The following FER1L5 variants were observed in gnomAD, a reference collection of about 807,000 sequenced individuals.
FER1L5 encodes fer-1-like protein 5.
In FER1L5, 187 loss-of-function variants were observed where a neutral mutation model predicts 279.9. That is an observed-to-expected ratio of 0.67 (90% confidence interval 0.59 to 0.75). The LOEUF is 0.75. Among genes scored for constraint, FER1L5 ranks in the 30% least tolerant of loss-of-function variants. The pLI, the probability that FER1L5 is intolerant of heterozygous loss-of-function variation, is 0.00. For missense variants in FER1L5, 2,091 were observed against 2,594.4 expected, an observed-to-expected ratio of 0.81 and a Z score of 4.21; for synonymous variants, 921 against 989.7, an observed-to-expected ratio of 0.93 and a Z score of 1.30.
chr2:96,670,791 A>C (rs1016147863), intron 18 of FER1L5, among the ~76,000 whole-genome samples: 2 of 150,766 alleles, frequency 1.3e-5, no homozygotes, highest in Non-Finnish European at 2.9e-5. Flanking sequence ...GTCTGAAAAA[A>C]ATAAAAAATA....
At chr2:96,677,595 G>C (rs987852732) in intron 19 of FER1L5, among the ~76,000 whole-genome samples, 3 of 152,032 alleles carry the variant, frequency 2.0e-5, no homozygotes, top group African/African-American at 7.2e-5. Flanking sequence ...CCCGGGCACG[G>C]TGGCTCACTC....
Position 96,642,781 on chromosome 2 carries a change from CA to C in FER1L5, c.-51del. On this transcript the variant is annotated 5_prime_UTR_variant, in exon 1 of 53. Transcript: ENST00000624922. ...GGAAAAGTCTTGGACTGAGGAGCTC[CA>C]AAAAGGAAGCTGTGGCGCTGCGTAG... 6.6e-7 allele frequency: 1 copy of C among 1,526,018 alleles called. No individual in the cohort carries two copies. The highest frequency in any genetic ancestry group is 1.2e-5 in the South Asian group (1 of 81,398). The allele number at this position is 1,526,018 out of a possible 1,614,324, so 94.5% of individuals were successfully genotyped here.
In FER1L5 at chr2:96,699,118, T is replaced by C; in HGVS notation, c.4592T>C (p.Leu1531Pro). 1.2e-6 allele frequency: 2 copies of C among 1,610,004 alleles called. No homozygotes were observed. Among genetic ancestry groups the C allele is most frequent in the Non-Finnish European group, 1.7e-6 (2 of 1,178,232 alleles). Residue 1531 changes from leucine to proline, a missense_variant, in exon 42 of 53, where the codon CTG becomes CCG. Leu to Pro is a moderately conservative substitution (Grantham distance 98, BLOSUM62 -3). Transcript: ENST00000624922. Reference protein sequence around the residue: ...GNRDMYQPNTLDPIFGMMFEL... With the variant: ...GNRDMYQPNTPDPIFGMMFEL... ...CGGGACATGTACCAGCCCAACACTC[T>C]GGATCCCATCTTTGGCATGTGAGCT... is the stretch of plus-strand genomic sequence containing the variant.
chr2:96,646,375 A>G (rs1465549436), intron 1 of FER1L5, 26 bp from the exon 2 acceptor site: 7 of 1,550,926 alleles, frequency 4.5e-6, no homozygotes, highest in African/African-American at 2.7e-5. Flanking sequence ...CCTACCATCA[A>G]TGCCAGCCTC....
chr2:96,702,220 G>T lies in FER1L5; in HGVS notation c.5160-86G>T. The T allele has an allele frequency of 6.4e-7, 1 of 1,570,644 alleles. No homozygotes were observed. Among genetic ancestry groups the T allele is most frequent in the Non-Finnish European group, 8.6e-7 (1 of 1,158,184 alleles). The stretch of plus-strand genomic sequence containing the variant: ...CCCCACACTGAGCAAAAACACACAG[G>T]GCAGCCTCCCAGGCTTCTCTGCCCT... On this transcript the variant is annotated intron_variant, in intron 46 of 52. Coordinates refer to ENST00000624922, the MANE Select transcript of FER1L5 (RefSeq NM_001293083.2). This position sits in a 1 kb window ranked among gnomAD's most constrained non-coding sequence, Gnocchi z 4.0.
At chr2:96,669,222 C>A in intron 17 of FER1L5, 85 bp downstream of exon 17, 2 of 1,330,192 alleles carry the variant, frequency 1.5e-6, no homozygotes, top group Non-Finnish European at 2.0e-6. Flanking sequence ...TGCCCCGAGG[C>A]CCCGGCCCTG....
chr2:96,656,278 T>C lies in FER1L5; in HGVS notation c.747+1782T>C, dbSNP rs576441513. The stretch of plus-strand genomic sequence containing the variant: ...AAACTTTTATAATTCCTAGGTAGCA[T>C]TAAATACCTAGTCAATGTTCAAATT... On this transcript the variant is annotated intron_variant, in intron 9 of 52. Transcript: ENST00000624922. 3.3e-5 allele frequency among the ~76,000 whole-genome samples: 5 copies of C among 152,364 alleles called. No homozygotes were observed. The South Asian group carries it at 1.0e-3, about 32-fold the overall frequency.
chr2:96,663,904 G>A (rs745423249), intron 14 of FER1L5, among the ~76,000 whole-genome samples: 19 of 152,062 alleles, frequency 1.2e-4, no homozygotes, highest in African/African-American at 2.9e-4. Context: ...TTAGTCGGGC[G>A]TGGTGACATG....
At chr2:96,699,785 T>C (rs1018186339) in intron 43 of FER1L5, 65 bp downstream of exon 43, 3 of 1,596,256 alleles carry the variant, frequency 1.9e-6, no homozygotes, top group Non-Finnish European at 2.6e-6. Flanking sequence ...TACAGCTCCC[T>C]TGGGAGAAGC....
rs1467695113 is a variant in FER1L5 at position 96,703,324 on chromosome 2, A to G, written c.5669A>G (p.Asp1890Gly). 1.2e-6 allele frequency: 2 copies of G among 1,611,378 alleles called. No homozygotes were observed. The highest frequency in any genetic ancestry group is 1.7e-6 in the Non-Finnish European group (2 of 1,178,690). The change falls in exon 50 of 53, where the codon GAT (aspartate) becomes GGT (glycine). Residue 1890 changes from aspartate (D) to glycine (G), a missense_variant. Coordinates refer to ENST00000624922, the MANE Select transcript of FER1L5 (RefSeq NM_001293083.2). ...GGCTGGTGGCCTTGCCAGGTCCTCG[A>G]TGGTGGCAAATGGCGCTTGTCGGTA... ...VTGWWPCQVL[D>G]GGKWRLSGKV... is the part of the protein sequence containing the mutation.
At position 96,694,156 on chromosome 2, in the gene FER1L5, A is replaced by G; in HGVS notation, c.3636+84A>G. Reference sequence around the variant, plus strand: ...CCCCCAGCCAGCGGGGGCCAACTCCACCCTGTCAGGAAATGCCTGGGGCCC... The same window carrying G: ...CCCCCAGCCAGCGGGGGCCAACTCCGCCCTGTCAGGAAATGCCTGGGGCCC... On this transcript the variant is annotated intron_variant, in intron 33 of 52. Coordinates refer to ENST00000624922, the MANE Select transcript of FER1L5 (RefSeq NM_001293083.2). This position sits in a 1 kb window ranked among gnomAD's most constrained non-coding sequence, Gnocchi z 4.6. 1 of 1,463,202 alleles carries G rather than the reference A, an allele frequency of 6.8e-7. No homozygotes were observed. The highest frequency in any genetic ancestry group is 2.5e-5 in the East Asian group (1 of 40,198). 90.6% of individuals were successfully genotyped at this position (1,463,202 alleles called of 1,614,324 possible). A position where few individuals can be genotyped will look rare whatever the true frequency, so the allele number is the denominator to read the frequency against.
At chr2:96,669,201 G>A (rs1042434102) in intron 17 of FER1L5, 64 bp downstream of exon 17, 1 of 1,458,502 alleles carries the variant, frequency 6.9e-7, no homozygotes, top group African/African-American at 1.4e-5. Context: ...AAAGCACTAG[G>A]GCCTGGGACG....
intron 19 of FER1L5, among the ~76,000 whole-genome samples, chr2:96,675,963 TAAGA>T (rs1365117275): frequency 2.0e-5 from 3 of 152,232 alleles, no homozygotes; most frequent in Admixed American, 6.5e-5. Context: ...TTATGTGGTC[TAAGA>T]AATATCTGTC....
chr2:96,684,365 C>T lies in FER1L5; in HGVS notation c.1708C>T (p.Pro570Ser). The change falls in exon 20 of 53, where the codon CCT (proline) becomes TCT (serine). Residue 570 changes from proline (P) to serine (S), a missense_variant. Transcript: ENST00000624922. ...TTATGTGCCCTGGTACAACACCAAGCCTGTCGTGGCCGTGACCTCCAACTG... is the reference window on the plus strand; with the variant it reads ...TTATGTGCCCTGGTACAACACCAAGTCTGTCGTGGCCGTGACCTCCAACTG... ...YHYVPWYNTKPVVAVTSNWED... is the reference protein window; with the variant it reads ...YHYVPWYNTKSVVAVTSNWED... 1 of 1,551,708 alleles carries T rather than the reference C, an allele frequency of 6.4e-7. No homozygotes were observed. Among genetic ancestry groups the T allele is most frequent in the South Asian group, 1.2e-5 (1 of 84,068 alleles).
At chr2:96,695,233 A>C in intron 34 of FER1L5, 2 of 418,682 alleles carry the variant, frequency 4.8e-6, no homozygotes, top group Non-Finnish European at 8.5e-6. Context: ...CCTGCGGGCT[A>C]TGGAGGTCAG....
At chr2:96,678,558 A>C (rs2076597570) in intron 19 of FER1L5, among the ~76,000 whole-genome samples, 1 of 152,088 alleles carries the variant, frequency 6.6e-6, no homozygotes, top group Non-Finnish European at 1.5e-5. Flanking sequence ...CCTGACTCCC[A>C]AGTAGCTGGG....
chr2:96,704,613 A>C lies in FER1L5; in HGVS notation c.6095A>C (p.Asp2032Ala). 1.9e-6 allele frequency: 3 copies of C among 1,613,976 alleles called. No individual in the cohort carries two copies. Among genetic ancestry groups the C allele is most frequent in the Non-Finnish European group, 2.5e-6 (3 of 1,179,888 alleles). ...TQDPNLKPTI[D>A]HEWKLHPGPT... ...GATCCAAACCTAAAGCCTACAATAG[A>C]CCATGAGTGGAAACTCCACCCAGGA... Residue 2032 changes from aspartate (D) to alanine (A), a missense_variant, in exon 53 of 53, where the codon GAC (aspartate) becomes GCC (alanine). Physicochemically the swap from Asp to Ala is moderately radical, Grantham distance 126. Transcript: ENST00000624922.
In FER1L5 at chr2:96,704,344, C is replaced by A; in HGVS notation, c.5931C>A (p.Asn1977Lys). Residue 1977 changes from asparagine (N) to lysine (K), a missense_variant, in exon 52 of 53, where the codon AAC becomes AAA. Asn to Lys is a moderately conservative substitution (Grantham distance 94). Coordinates refer to ENST00000624922, the MANE Select transcript of FER1L5 (RefSeq NM_001293083.2). ...CGATTATAGCACTTATGCTGTTTAACTTCATCTATTCAGCTCCGGTGAGTG... is the reference window on the plus strand; with the variant it reads ...CGATTATAGCACTTATGCTGTTTAAATTCATCTATTCAGCTCCGGTGAGTG... ...VISIIALMLF[N>K]FIYSAPHYLA... is the part of the protein sequence containing the mutation. The A allele has an allele frequency of 6.2e-7, 1 of 1,613,928 alleles. No homozygotes were observed. Among genetic ancestry groups the A allele is most frequent in the Non-Finnish European group, 8.5e-7 (1 of 1,179,870 alleles).
chr2:96,658,771 C>T (rs980050414), intron 9 of FER1L5, among the ~76,000 whole-genome samples: 13 of 152,024 alleles, frequency 8.6e-5, no homozygotes, highest in African/African-American at 2.7e-4. Flanking sequence ...TAACGACTAA[C>T]GATGTTGAGC....
Sources: gnomAD v4.1 joint callset for allele counts (sites outside exome capture counted in the v4.1 genomes callset) on GRCh38, gnomAD v4.1.1 for gene constraint, Gnocchi (gnomAD v3.1) non-coding constraint, MANE v1.5 for transcripts, NCBI Gene and HGNC (gene_info 2026-07-23, HGNC 2026-07-21) for gene names.